Variants in DHRS7 observed in about 807,000 individuals in gnomAD.
DHRS7 encodes the protein dehydrogenase/reductase SDR family member 7.
In DHRS7, 34 loss-of-function variants were observed where a neutral mutation model predicts 38.9. The observed-to-expected ratio is 0.87, with a 90% CI of 0.66 to 1.16. DHRS7 has a LOEUF of 1.16. Among genes scored for constraint, DHRS7 ranks in the 50% most tolerant of loss-of-function variants. The pLI is 0.00. For synonymous variants in DHRS7, 158 were observed against 153.1 expected, an observed-to-expected ratio of 1.03 and a Z score of -0.24; for missense variants, 421 against 407.0, an observed-to-expected ratio of 1.03 and a Z score of -0.30.
intron 1 of DHRS7, among the ~76,000 whole-genome samples, chr14:60,160,043 T>C (rs1254033): frequency 0.27 from 40,420 of 152,184 alleles, 7,288 homozygotes; most frequent in African/African-American, 0.51. Context: ...AACTTCTTTT[T>C]GGCCAGGTAC....
rs1372262982 is a variant in DHRS7, at chr14:60,152,966, T to C, written c.606A>G (p.Gly202=). The C allele has an allele frequency of 1.2e-5, 19 of 1,614,104 alleles. No homozygotes were observed. The highest frequency in any genetic ancestry group is 1.6e-5 in the Non-Finnish European group (19 of 1,180,000). Residue 202 remains glycine (G), a synonymous_variant, in exon 4 of 7, where the codon GGA becomes GGG. Coordinates refer to ENST00000557185, the MANE Select transcript of DHRS7 (RefSeq NM_016029.4). ...LGIISVPLSI[G]YCASKHALRG... ...GGAGAGCATGCTTGCTAGCACAGTA[T>C]CCAATGGAAAGAGGTACAGATATGA...
upstream of DHRS7, among the ~76,000 whole-genome samples, chr14:60,168,394 A>G (rs761851444): frequency 6.6e-6 from 1 of 152,192 alleles, no homozygotes; most frequent in Non-Finnish European, 1.5e-5. Context: ...TCAAACACTC[A>G]TGCACACATG....
chr14:60,148,572 A>C lies in DHRS7; in HGVS notation c.972+781T>G, dbSNP rs1298029514. Among the ~76,000 whole-genome samples, 1 of 152,168 alleles carries C rather than the reference A, an allele frequency of 6.6e-6. No homozygotes were observed. The highest frequency in any genetic ancestry group is 2.1e-4 in the South Asian group (1 of 4,834). On this transcript the variant is annotated intron_variant, in intron 6 of 6. Transcript: ENST00000557185. The surrounding 1 kb of genome is among the most constrained non-coding windows in gnomAD (Gnocchi z 4.8). ...AGACAGGGGAATAGGCACATCTTAG[A>C]TGTGCTGAGTACTTCGGGAATGAGG...
At position 60,165,114 on chromosome 14, in the gene DHRS7, G is replaced by A; in HGVS notation, c.133+63C>T. 1.9e-6 allele frequency: 3 copies of A among 1,590,648 alleles called. No individual in the cohort carries two copies. The highest frequency in any genetic ancestry group is 2.3e-5 in the East Asian group (1 of 43,994). On this transcript the variant is annotated intron_variant, in intron 1 of 6. Coordinates refer to ENST00000557185, the MANE Select transcript of DHRS7 (RefSeq NM_016029.4). This position sits in a 1 kb window ranked among gnomAD's most constrained non-coding sequence, Gnocchi z 4.6. ...ATCACTGCAGAACCCCCGGAGACCCGGACACGCCTCGGCAGCTCCGAGCCC... is the reference window on the plus strand; with the variant it reads ...ATCACTGCAGAACCCCCGGAGACCCAGACACGCCTCGGCAGCTCCGAGCCC...
upstream of DHRS7, chr14:60,169,794 C>A (rs1466489086): frequency 6.6e-6 from 1 of 152,236 alleles, no homozygotes; most frequent in African/African-American, 2.4e-5. Context: ...TTGTTCAGAT[C>A]AACTTTAGCC....
chr14:60,159,135 G>C (rs771170221), intron 1 of DHRS7: 18 of 399,794 alleles, frequency 4.5e-5, no homozygotes, highest in Non-Finnish European at 7.6e-5. Flanking sequence ...GAATTGGAGG[G>C]AAAAACACAG....
chr14:60,146,507 A>G lies in DHRS7; in HGVS notation c.973-1494T>C, dbSNP rs1339202510. The stretch of plus-strand genomic sequence containing the variant: ...TCAAAAAATTAAAAATAGAATTACC[A>G]TCTGATCCAGCAATTCCACTTAAGG... On this transcript the variant is annotated intron_variant, in intron 6 of 6. Coordinates refer to ENST00000557185, the MANE Select transcript of DHRS7 (RefSeq NM_016029.4). This position sits in a 1 kb window ranked among gnomAD's most constrained non-coding sequence, Gnocchi z 4.9. 6.6e-6 allele frequency: 1 copy of G among 152,240 alleles called. No individual in the cohort carries two copies. The highest frequency in any genetic ancestry group is 1.5e-5 in the Non-Finnish European group (1 of 68,042). The allele number at this position is 152,240 out of a possible 1,614,324, so 9.4% of individuals were successfully genotyped here.
At chr14:60,155,737 TAAA>T in intron 2 of DHRS7, 1 of 275,506 alleles carries the variant, frequency 3.6e-6, no homozygotes, top group Non-Finnish European at 6.7e-6. Flanking sequence ...ACTTGGTCAC[TAAA>T]AATCCACCAG....
rs201218193 is a variant in DHRS7, at chr14:60,162,378, T to TAA, written c.133+2797_133+2798dup. On this transcript the variant is annotated intron_variant, in intron 1 of 6. Transcript: ENST00000557185. The surrounding 1 kb of genome is among the most constrained non-coding windows in gnomAD (Gnocchi z 4.5). ...ACAAAGCAAGACCTTGTCTCTCTAT[T>TAA]AAAAAAAAAAAAAAATCACCATGTG... 3.6e-5 allele frequency among the ~76,000 whole-genome samples: 5 copies of TAA among 139,206 alleles called. No homozygotes were observed. Among genetic ancestry groups the TAA allele is most frequent in the African/African-American group, 5.3e-5 (2 of 37,682 alleles). The allele number at this position is 139,206 out of a possible 152,430, so 91.3% of individuals were successfully genotyped here.
At position 60,165,083 on chromosome 14, in the gene DHRS7, C is replaced by T; in HGVS notation, c.133+94G>A. 1 of 1,488,426 alleles carries T rather than the reference C, an allele frequency of 6.7e-7. No homozygotes were observed. Among genetic ancestry groups the T allele is most frequent in the Admixed American group, 1.9e-5 (1 of 51,868 alleles). 92.2% of individuals were successfully genotyped at this position (1,488,426 alleles called of 1,614,324 possible). On this transcript the variant is annotated intron_variant, in intron 1 of 6. Transcript: ENST00000557185. The surrounding 1 kb of genome is among the most constrained non-coding windows in gnomAD (Gnocchi z 4.6). ...GAAGCTCCACGCAACCCACAAAGGA[C>T]CCGGGATCACTGCAGAACCCCCGGA... is the stretch of plus-strand genomic sequence containing the variant.
At chr14:60,156,408 GACTTT>G (rs966456103) in intron 1 of DHRS7, among the ~76,000 whole-genome samples, 1 of 151,288 alleles carries the variant, frequency 6.6e-6, no homozygotes, top group Non-Finnish European at 1.5e-5. Flanking sequence ...GACTTTTCCA[GACTTT>G]ACTTCAAGGT....
rs760883356 is a variant in DHRS7, at chr14:60,150,175, C to G, written c.646G>C (p.Gly216Arg). 6 of 1,249,386 alleles carry G rather than the reference C, an allele frequency of 4.8e-6. No individual in the cohort carries two copies. The Admixed American group carries it at 1.8e-4, about 37-fold the overall frequency. The allele number at this position is 1,249,386 out of a possible 1,614,324, so 77.4% of individuals were successfully genotyped here. A position where few individuals can be genotyped will look rare whatever the true frequency, so the allele number is the denominator to read the frequency against. ...SKHALRGFFN[G>R]LRTELATYPG... ...TATGTGGCAAGTTCTGTTCGAAGGCCATTAAAAAAACCCTAACAGACAAAA... is the reference window on the plus strand; with the variant it reads ...TATGTGGCAAGTTCTGTTCGAAGGCGATTAAAAAAACCCTAACAGACAAAA... Residue 216 changes from glycine (G) to arginine (R), a missense_variant, in exon 5 of 7, where the codon GGC becomes CGC. Gly to Arg is a moderately radical substitution (Grantham distance 125, BLOSUM62 -2). Transcript: ENST00000557185.
In DHRS7 at chr14:60,144,783, T is replaced by G. The variant is rs1896354991; in HGVS notation, c.*183A>C. 1 of 600,172 alleles carries G rather than the reference T, an allele frequency of 1.7e-6. No individual in the cohort carries two copies. The highest frequency in any genetic ancestry group is 3.0e-5 in the Admixed American group (1 of 33,734). The allele number at this position is 600,172 out of a possible 1,614,324, so 37.2% of individuals were successfully genotyped here. On this transcript the variant is annotated 3_prime_UTR_variant, in exon 7 of 7. Transcript: ENST00000557185. ...ATATAGTATGAGTTAATACCTTTTT[T>G]GCAAGATTCATGGCAATCTTTTATT... is the stretch of plus-strand genomic sequence containing the variant.
rs528451079 is a variant in DHRS7, at chr14:60,161,198, A to T, written c.133+3979T>A. 2.0e-5 allele frequency among the ~76,000 whole-genome samples: 3 copies of T among 152,328 alleles called. No homozygotes were observed. In the East Asian group the frequency reaches 5.8e-4, roughly 29 times the overall value. On this transcript the variant is annotated intron_variant, in intron 1 of 6. Coordinates refer to ENST00000557185, the MANE Select transcript of DHRS7 (RefSeq NM_016029.4). The surrounding 1 kb of genome is among the most constrained non-coding windows in gnomAD (Gnocchi z 4.2). Reference sequence around the variant, plus strand: ...TGTTAAGGGAATCAATATCAGAAGTAATACTAAAATGTTATAATAGGAAAA... The same window carrying T: ...TGTTAAGGGAATCAATATCAGAAGTTATACTAAAATGTTATAATAGGAAAA...
At chr14:60,166,315 G>A (rs1001642312), upstream of DHRS7, 1 of 982,294 alleles carries the variant, frequency 1.0e-6, no homozygotes, top group African/African-American at 1.7e-5. Context: ...TAGAAACTAG[G>A]CCATGTATGA....
At chr14:60,159,689 A>T (rs1896724522) in intron 1 of DHRS7, among the ~76,000 whole-genome samples, 3 of 152,206 alleles carry the variant, frequency 2.0e-5, no homozygotes, top group Admixed American at 6.5e-5. Context: ...GACCCCAATC[A>T]GGTACTGACT....
upstream of DHRS7, chr14:60,166,414 C>T (rs955023072): frequency 8.2e-6 from 2 of 243,334 alleles, no homozygotes; most frequent in Non-Finnish European, 1.3e-5. Flanking sequence ...TTTGTGTGCT[C>T]TGATGTCAAA....
upstream of DHRS7, chr14:60,169,133 C>CAAAAAAAAAAAAAAAAAAAAAAAAAAAAA (rs36035004): frequency 5.1e-4 from 14 of 27,396 alleles, no homozygotes; most frequent in Non-Finnish European, 5.3e-4. Flanking sequence ...CAAAAGAAAC[C>CAAAAAAAAAAAAAAAAAAAAAAAAAAAAA]AAAAAAAAAA....
chr14:60,145,111 G>T lies in DHRS7; in HGVS notation c.973-98C>A. ...CTGTTTTGAGGAGCTGTATCATTAT[G>T]ATTCACTATTAAGAATCTTTACAAA... is the stretch of plus-strand genomic sequence containing the variant. On this transcript the variant is annotated intron_variant, in intron 6 of 6. Coordinates refer to ENST00000557185, the MANE Select transcript of DHRS7 (RefSeq NM_016029.4). The surrounding 1 kb of genome is among the most constrained non-coding windows in gnomAD (Gnocchi z 4.0). 2.5e-6 allele frequency: 2 copies of T among 786,632 alleles called. No homozygotes were observed. Among genetic ancestry groups the T allele is most frequent in the East Asian group, 2.8e-5 (1 of 35,490 alleles). The allele number at this position is 786,632 out of a possible 1,614,324, so 48.7% of individuals were successfully genotyped here.
Sources: allele counts gnomAD v4.1 joint callset (sites outside exome capture counted in the v4.1 genomes callset), GRCh38; gene constraint gnomAD v4.1.1; non-coding constraint Gnocchi (gnomAD v3.1); transcripts MANE v1.5; gene names NCBI Gene and HGNC (gene_info 2026-07-23, HGNC 2026-07-21).